ST18: variants seen among roughly 807,000 people sequenced by gnomAD.
ST18 encodes the protein ST18 C2H2C-type zinc finger transcription factor, also known as suppression of tumorigenicity 18 protein.
ST18 carries 50 observed loss-of-function variants against 110.0 expected under a neutral mutation model. That is an observed-to-expected ratio of 0.45 (90% CI 0.36 to 0.58). The LOEUF (loss-of-function observed/expected upper bound fraction) is 0.58, where lower values mean the gene tolerates loss of function less well. Among genes scored for constraint, ST18 ranks in the 20% least tolerant of loss-of-function variants. The pLI is 0.00. For synonymous variants in ST18, 461 were observed against 452.4 expected (o/e 1.02, Z -0.24); for missense variants, 1,306 against 1,280.1 (o/e 1.02, Z -0.31).
intron 2 of ST18, among the ~76,000 whole-genome samples, chr8:52,377,837 C>G (rs1317400083): frequency 6.6e-6 from 1 of 152,056 alleles, no homozygotes; most frequent in Non-Finnish European, 1.5e-5. Flanking sequence ...ATAGCAAAGA[C>G]TAGGAAGCAA....
intron 7 of ST18, among the ~76,000 whole-genome samples, chr8:52,213,034 G>C (rs1359419733): frequency 6.6e-6 from 1 of 152,136 alleles, no homozygotes; most frequent in Non-Finnish European, 1.5e-5. Flanking sequence ...CTATTGAGAA[G>C]TTTGCTCCGT....
chr8:52,402,922 G>T (rs1843242147), intron 2 of ST18, among the ~76,000 whole-genome samples: 1 of 152,148 alleles, frequency 6.6e-6, no homozygotes. Context: ...TGGCTGCTCT[G>T]CTGGGCTGGG....
chr8:52,362,077 T>C lies in ST18; in HGVS notation c.-465+47251A>G, dbSNP rs150241957. On this transcript the variant is annotated intron_variant, in intron 2 of 25. Transcript: ENST00000689386. ...GCTTTTAATTTATCAAAAGAGGGGGTTATAAAATCAGCTTTCGTTTCATGC... is the reference window on the plus strand; with the variant it reads ...GCTTTTAATTTATCAAAAGAGGGGGCTATAAAATCAGCTTTCGTTTCATGC... 6.9e-3 allele frequency among the ~76,000 whole-genome samples: 1,045 copies of C among 152,192 alleles called. 12 individuals carry two copies. The highest frequency in any genetic ancestry group is 0.01 in the Middle Eastern group (3 of 294).
At chr8:52,199,542 C>A (rs530044554) in intron 8 of ST18, 1 of 152,278 alleles carries the variant, frequency 6.6e-6, no homozygotes, top group South Asian at 2.1e-4. Flanking sequence ...ATAAACAGAA[C>A]ATCAAACCTT....
At chr8:52,279,502 G>A (rs886900973) in intron 2 of ST18, among the ~76,000 whole-genome samples, 2 of 152,112 alleles carry the variant, frequency 1.3e-5, no homozygotes, top group Admixed American at 6.6e-5. Flanking sequence ...AATATTCAAC[G>A]AGAAGTTGGG....
In ST18 at chr8:52,151,800, G is replaced by T. The variant is rs981050541; in HGVS notation, c.1807-1823C>A. On this transcript the variant is annotated intron_variant, in intron 15 of 25. Coordinates refer to ENST00000689386, the MANE Select transcript of ST18 (RefSeq NM_001352837.2). The stretch of plus-strand genomic sequence containing the variant: ...CATAAAAAAATAAAAAAAAACTTGG[G>T]TTAAGACTGCACAACCAACATTCAC... Among the ~76,000 whole-genome samples, 8 of 152,268 alleles carry T rather than the reference G, an allele frequency of 5.3e-5. No individual in the cohort carries two copies. In the South Asian group the frequency reaches 1.5e-3, roughly 28 times the overall value.
intron 2 of ST18, among the ~76,000 whole-genome samples, chr8:52,260,441 G>T (rs556533453): frequency 2.6e-4 from 36 of 138,078 alleles, no homozygotes; most frequent in Admixed American, 1.0e-3. Context: ...GTGACATGTG[G>T]CATCACCAGC....
Position 52,112,555 on chromosome 8 carries a change from G to C in ST18, c.*643C>G, listed in dbSNP as rs1331511749. On this transcript the variant is annotated 3_prime_UTR_variant, in exon 26 of 26. Transcript: ENST00000689386. ...GTTTTCCAGCATCCTGTGCTTTTGT[G>C]AGTGCGGATTCCCCACTAGTGGGCG... 1.3e-5 allele frequency: 2 copies of C among 152,716 alleles called. No homozygotes were observed. Among genetic ancestry groups the C allele is most frequent in the East Asian group, 3.9e-4 (2 of 5,184 alleles). The allele number at this position is 152,716 out of a possible 1,614,324, so 9.5% of individuals were successfully genotyped here.
At chr8:52,220,162 A>G (rs768653009) in intron 5 of ST18, among the ~76,000 whole-genome samples, 23 of 152,194 alleles carry the variant, frequency 1.5e-4, no homozygotes, top group Non-Finnish European at 3.1e-4. Context: ...CAAGTAACAC[A>G]CTAAAAGGGC....
rs1306552003 is a variant in ST18, at chr8:52,172,464, A to T, written c.397T>A (p.Leu133Met). Residue 133 changes from leucine to methionine, a missense_variant, in exon 10 of 26, where the codon TTG becomes ATG. Physicochemically the swap from Leu to Met is conservative, Grantham distance 15. Transcript: ENST00000689386. Reference sequence around the variant, plus strand: ...GATACATTTTTTTCAAATTTCCCCAAGTGCATTAAAGACTTGACCATGAGC... The same window carrying T: ...GATACATTTTTTTCAAATTTCCCCATGTGCATTAAAGACTTGACCATGAGC... ...QELMVKSLMH[L>M]GKFEKNVSVQ... The T allele has an allele frequency of 6.2e-7, 1 of 1,613,646 alleles. No individual in the cohort carries two copies. The highest frequency in any genetic ancestry group is 8.5e-7 in the Non-Finnish European group (1 of 1,180,024).
chr8:52,243,839 C>T (rs1057468146), intron 2 of ST18, among the ~76,000 whole-genome samples: 26 of 151,972 alleles, frequency 1.7e-4, no homozygotes, highest in East Asian at 5.8e-4. Context: ...AATGATTTTC[C>T]GCAGGGTGAT....
intron 21 of ST18, among the ~76,000 whole-genome samples, chr8:52,132,654 C>T (rs1440243238): frequency 1.3e-5 from 2 of 152,202 alleles, no homozygotes; most frequent in South Asian, 2.1e-4. Context: ...GTTGAGAAAA[C>T]AACTTAATCT....
rs529618175 is a variant in ST18 at position 52,316,362 on chromosome 8, G to T, written c.-464-86285C>A. Among the ~76,000 whole-genome samples, 289 of 152,230 alleles carry T rather than the reference G, an allele frequency of 1.9e-3. 5 individuals are homozygous for T. Among genetic ancestry groups the T allele is most frequent in the South Asian group, 0.011 (52 of 4,804 alleles). On this transcript the variant is annotated intron_variant, in intron 2 of 25. Transcript: ENST00000689386. ...GCCACCCAGCACCTGTGCTGGTAGG[G>T]GCTCCCCCAGCAGCAATGAGAGTGC... is the stretch of plus-strand genomic sequence containing the variant.
In ST18 at chr8:52,244,549, G is replaced by A. The variant is rs970056371; in HGVS notation, c.-464-14472C>T. Among the ~76,000 whole-genome samples the A allele has an allele frequency of 1.2e-4, 18 of 152,040 alleles. 1 individual carries two copies. The highest frequency in any genetic ancestry group is 8.5e-4 in the Admixed American group (13 of 15,270). On this transcript the variant is annotated intron_variant, in intron 2 of 25. Coordinates refer to ENST00000689386, the MANE Select transcript of ST18 (RefSeq NM_001352837.2). The stretch of plus-strand genomic sequence containing the variant: ...ACTAGGATAATCCTTCATGAAGTCA[G>A]AAGCAAAAAAAGAAAACAGAAAATA...
At chr8:52,161,746 G>A (rs1203748966) in intron 13 of ST18, among the ~76,000 whole-genome samples, 178 bp from the exon 14 acceptor site, 1 of 152,158 alleles carries the variant, frequency 6.6e-6, no homozygotes, top group East Asian at 1.9e-4. Context: ...CCCATAGGGC[G>A]AGATGGAAAG....
At chr8:52,237,517 A>G (rs914247318) in intron 2 of ST18, among the ~76,000 whole-genome samples, 1 of 152,206 alleles carries the variant, frequency 6.6e-6, no homozygotes, top group African/African-American at 2.4e-5. Flanking sequence ...GGGGTCACAC[A>G]GCTCCTGAGG....
chr8:52,324,198 G>T (rs1589911904), intron 2 of ST18, among the ~76,000 whole-genome samples: 1 of 152,142 alleles, frequency 6.6e-6, no homozygotes. Flanking sequence ...GTGGCATGAG[G>T]CCCTTTTGGA....
intron 7 of ST18, among the ~76,000 whole-genome samples, chr8:52,213,186 G>C (rs1401082326): frequency 1.3e-5 from 2 of 152,076 alleles, no homozygotes; most frequent in African/African-American, 4.8e-5. Flanking sequence ...TATGAGCACA[G>C]CATTATTCTG....
rs78242906 is a variant in ST18 at position 52,214,224 on chromosome 8, T to G, written c.34A>C (p.Thr12Pro). The G allele has an allele frequency of 5.0e-6, 8 of 1,613,926 alleles. No individual in the cohort carries two copies. In the African/African-American group the frequency reaches 1.1e-4, roughly 22 times the overall value. ...TCACCCTCGGTTCCTTTAGAGCGAG[T>G]ACGCAGCGTTTTATCTTCAGCCTCT... is the stretch of plus-strand genomic sequence containing the variant. Reference protein sequence around the residue: ...DAEAEDKTLRTRSKGTEVPMD... With the variant: ...DAEAEDKTLRPRSKGTEVPMD... Residue 12 changes from threonine to proline, a missense_variant, in exon 7 of 26, where the codon ACT (threonine) becomes CCT (proline). By Grantham distance (38) the Thr-to-Pro change is conservative. Coordinates refer to ENST00000689386, the MANE Select transcript of ST18 (RefSeq NM_001352837.2).
Sources: allele counts gnomAD v4.1 joint callset (sites outside exome capture counted in the v4.1 genomes callset), GRCh38; gene constraint gnomAD v4.1.1; transcripts MANE v1.5; gene names NCBI Gene and HGNC (gene_info 2026-07-23, HGNC 2026-07-21).